Variants in DPP10 observed in about 807,000 individuals in gnomAD.
The protein encoded by DPP10 is dipeptidyl peptidase like 10, also known as inactive dipeptidyl peptidase 10.
A neutral mutation model predicts 120.9 loss-of-function variants in DPP10; 33 were observed. The observed-to-expected ratio is 0.27, with a 90% confidence interval of 0.21 to 0.37. The LOEUF is 0.37. Ranked by LOEUF, DPP10 falls within the 10% of genes least tolerant of loss-of-function variation. The pLI, the probability that DPP10 is intolerant of heterozygous loss-of-function variation, is 1.00. For missense variants in DPP10, 816 were observed against 942.8 expected, an observed-to-expected ratio of 0.87 and a Z score of 1.76; for synonymous variants, 337 against 326.1, an observed-to-expected ratio of 1.03 and a Z score of -0.36.
At chr2:115,506,552 AAAAT>A (rs1270498187) in intron 4 of DPP10, among the ~76,000 whole-genome samples, 5 of 152,134 alleles carry the variant, frequency 3.3e-5, no homozygotes, top group African/African-American at 7.2e-5. Flanking sequence ...AAGAAATGTG[AAAAT>A]AAATAATGAT....
In DPP10 at chr2:115,595,614, C is replaced by G. The variant is rs2082939436; in HGVS notation, c.441+69642C>G. Among the ~76,000 whole-genome samples the G allele has an allele frequency of 2.6e-5, 4 of 152,018 alleles. No individual in the cohort carries two copies. In the South Asian group the frequency reaches 6.2e-4, roughly 24 times the overall value. ...ATAATTCCCTTTAAATTTTAGCCAA[C>G]TTGATCACAAACAAAATTCCTTTTT... is the stretch of plus-strand genomic sequence containing the variant. On this transcript the variant is annotated intron_variant, in intron 5 of 25. Transcript: ENST00000410059.
chr2:114,773,214 G>T (rs1056730958), intron 1 of DPP10, among the ~76,000 whole-genome samples: 1 of 152,126 alleles, frequency 6.6e-6, no homozygotes, highest in African/African-American at 2.4e-5. Flanking sequence ...TTGGTAGTGG[G>T]AACAGCAGAC....
chr2:115,353,335 A>G (rs2064158658), intron 3 of DPP10, among the ~76,000 whole-genome samples: 1 of 152,134 alleles, frequency 6.6e-6, no homozygotes, highest in Non-Finnish European at 1.5e-5. Context: ...AATGCTGTGT[A>G]TGTGTGTTCG....
chr2:115,259,055 G>T (rs573083853), intron 1 of DPP10, among the ~76,000 whole-genome samples: 1 of 152,314 alleles, frequency 6.6e-6, no homozygotes, highest in South Asian at 2.1e-4. Flanking sequence ...AGGACAGATA[G>T]AGTTGTGGTC....
At chr2:115,208,374 C>T (rs546056905) in intron 1 of DPP10, among the ~76,000 whole-genome samples, 5 of 151,664 alleles carry the variant, frequency 3.3e-5, no homozygotes, top group East Asian at 1.9e-4. Flanking sequence ...TAATTTATCT[C>T]GCTATTTTTA....
chr2:115,132,649 G>A (rs1228443908), intron 1 of DPP10, among the ~76,000 whole-genome samples: 1 of 152,040 alleles, frequency 6.6e-6, no homozygotes, highest in Non-Finnish European at 1.5e-5. Context: ...AAAGGGAGGG[G>A]ATATAATGAG....
chr2:115,785,033 T>C (rs1683169964), intron 17 of DPP10, among the ~76,000 whole-genome samples: 1 of 152,238 alleles, frequency 6.6e-6, no homozygotes, highest in Non-Finnish European at 1.5e-5. Flanking sequence ...AGAACCACTT[T>C]TAACTCTCAA....
chr2:115,572,725 T>C (rs113461643), intron 5 of DPP10, among the ~76,000 whole-genome samples: 4 of 152,312 alleles, frequency 2.6e-5, no homozygotes, highest in African/African-American at 7.2e-5. Context: ...TTAACCTTAA[T>C]GTCAGGGTGT....
chr2:115,717,981 TCAGA>T (rs2092546327), intron 7 of DPP10, among the ~76,000 whole-genome samples: 2 of 151,924 alleles, frequency 1.3e-5, no homozygotes, highest in African/African-American at 2.4e-5. Context: ...GAAAGGGAAG[TCAGA>T]TGTGGAGTAG....
At chr2:114,907,053 T>C (rs574127366) in intron 1 of DPP10, among the ~76,000 whole-genome samples, 1 of 152,258 alleles carries the variant, frequency 6.6e-6, no homozygotes, top group Non-Finnish European at 1.5e-5. Context: ...GAATCAGTCT[T>C]GGTAGTTTGT....
intron 5 of DPP10, among the ~76,000 whole-genome samples, chr2:115,609,935 C>T (rs1575326776): frequency 6.6e-6 from 1 of 152,120 alleles, no homozygotes; most frequent in Non-Finnish European, 1.5e-5. Context: ...TACAGAATAT[C>T]TAAAATTACA....
intron 11 of DPP10, among the ~76,000 whole-genome samples, chr2:115,755,506 A>T (rs548736390): frequency 2.7e-4 from 41 of 152,248 alleles, no homozygotes; most frequent in Admixed American, 6.6e-4. Context: ...CCATATACAA[A>T]ATTCAACTCA....
At chr2:115,464,876 C>G (rs1334149173) in intron 3 of DPP10, among the ~76,000 whole-genome samples, 1 of 152,126 alleles carries the variant, frequency 6.6e-6, no homozygotes, top group Non-Finnish European at 1.5e-5. Flanking sequence ...TTCATACTTA[C>G]TCAGTTCACA....
intron 1 of DPP10, among the ~76,000 whole-genome samples, chr2:114,973,694 A>C (rs1224361258): frequency 2.8e-5 from 4 of 145,402 alleles, no homozygotes; most frequent in Non-Finnish European, 6.0e-5. Flanking sequence ...GTTAACTGTA[A>C]AACAGCCTCA....
chr2:115,746,232 C>G (rs759475988), intron 10 of DPP10, 49 bp downstream of exon 10: 1 of 1,454,168 alleles, frequency 6.9e-7, no homozygotes, highest in Admixed American at 1.8e-5. Flanking sequence ...ATTTTCACTC[C>G]AATTATCATT....
At chr2:114,961,808 G>GA (rs1162441546) in intron 1 of DPP10, among the ~76,000 whole-genome samples, 4 of 152,070 alleles carry the variant, frequency 2.6e-5, no homozygotes, top group Middle Eastern at 3.2e-3. Context: ...ACAAAAATTA[G>GA]CCGGGCATGA....
intron 1 of DPP10, among the ~76,000 whole-genome samples, chr2:114,455,882 A>T (rs1003917814): frequency 1.3e-5 from 2 of 152,134 alleles, no homozygotes; most frequent in Non-Finnish European, 2.9e-5. Flanking sequence ...TTAAGGGCTT[A>T]ATTTTTTGAA....
intron 1 of DPP10, among the ~76,000 whole-genome samples, chr2:114,881,594 G>GTCTATCTATCTATCTATCTA: frequency 1.0e-5 from 1 of 96,222 alleles, no homozygotes. Context: ...CTGTCTGTCT[G>GTCTATCTATCTATCTATCTA]TCTGTCTATC....
At chr2:114,897,922 TTGTGGA>T (rs1693176506) in intron 1 of DPP10, among the ~76,000 whole-genome samples, 1 of 151,276 alleles carries the variant, frequency 6.6e-6, no homozygotes, top group Non-Finnish European at 1.5e-5. Context: ...AGTTCAACCA[TTGTGGA>T]AGTCAGTGTG....
Sources: gnomAD v4.1 joint callset for allele counts (sites outside exome capture counted in the v4.1 genomes callset) on GRCh38, gnomAD v4.1.1 for gene constraint, MANE v1.5 for transcripts, NCBI Gene and HGNC (gene_info 2026-07-23, HGNC 2026-07-21) for gene names.